Variants in RALGDS observed in about 807,000 individuals in gnomAD.
RALGDS encodes ral guanine nucleotide exchange factor.
A neutral mutation model predicts 99.8 loss-of-function variants in RALGDS; 44 were observed. That is an observed-to-expected ratio of 0.44 (90% confidence interval 0.35 to 0.57). The LOEUF (loss-of-function observed/expected upper bound fraction) is 0.57, where lower values mean the gene tolerates loss of function less well. RALGDS is among the 20% of genes least tolerant of loss of function. RALGDS has a pLI of 0.01. For missense variants in RALGDS, 1,022 were observed against 1,203.1 expected, an observed-to-expected ratio of 0.85 and a Z score of 2.23; for synonymous variants, 529 against 505.0, an observed-to-expected ratio of 1.05 and a Z score of -0.64.
Position 133,102,895 on chromosome 9 carries a change from G to A in RALGDS, c.1797C>T (p.Phe599=), listed in dbSNP as rs761592485. The stretch of plus-strand genomic sequence containing the variant: ...GCAGCTTGATCTGGGCGATCACCTC[G>A]AACTCCTGGGGCCAGAGGGAAGCAC... ...LINFEKRRKE[F]EVIAQIKLLQ... Residue 599 remains phenylalanine (F), a synonymous_variant, in exon 13 of 18, where the codon TTC becomes TTT. Transcript: ENST00000372050. The A allele has an allele frequency of 1.3e-5, 21 of 1,613,016 alleles. No individual in the cohort carries two copies. In the Admixed American group the frequency reaches 1.3e-4, roughly 10 times the overall value.
Position 133,121,237 on chromosome 9 carries a change from C to G in RALGDS, c.-83G>C, listed in dbSNP as rs948598497. 6 of 979,732 alleles carry G rather than the reference C, an allele frequency of 6.1e-6. No individual in the cohort carries two copies. The highest frequency in any genetic ancestry group is 5.3e-5 in the African/African-American group (3 of 56,478). The allele number at this position is 979,732 out of a possible 1,614,324, so 60.7% of individuals were successfully genotyped here. On this transcript the variant is annotated 5_prime_UTR_variant, in exon 1 of 18. Coordinates refer to ENST00000372050, the MANE Select transcript of RALGDS (RefSeq NM_006266.4). ...GGCCCGCGCGGCTGGGCTTTGCCAC[C>G]GCTGTGAGCCCGCGGCCCGGCCCTG...
rs1349365269 is a variant in RALGDS at position 133,107,207 on chromosome 9, G to A, written c.1291C>T (p.Arg431Cys). Residue 431 changes from arginine to cysteine, a missense_variant, in exon 7 of 18, where the codon CGC becomes TGC. Transcript: ENST00000372050. ...KGKEHLAPTI[R>C]ATVTQFNSVA... is the part of the protein sequence containing the mutation. Reference sequence around the variant, plus strand: ...CTGTTGAACTGGGTGACAGTGGCGCGGATGGTGGGCGCCAGGTGCTCCTTG... The same window carrying A: ...CTGTTGAACTGGGTGACAGTGGCGCAGATGGTGGGCGCCAGGTGCTCCTTG... 18 of 1,613,598 alleles carry A rather than the reference G, an allele frequency of 1.1e-5. No individual in the cohort carries two copies. Among genetic ancestry groups the A allele is most frequent in the Admixed American group, 8.3e-5 (5 of 60,012 alleles).
rs376111109 is a variant in RALGDS, at chr9:133,104,244, C to T, written c.1671+19G>A. 21 of 1,606,824 alleles carry T rather than the reference C, an allele frequency of 1.3e-5. No homozygotes were observed. In the South Asian group the frequency reaches 1.3e-4, roughly 10 times the overall value. Reference sequence around the variant, plus strand: ...CCCAGGCCAGCCCCCTGCCCCTCCGCGGCCTTGGGCACTCTCACCGTCTCC... The same window carrying T: ...CCCAGGCCAGCCCCCTGCCCCTCCGTGGCCTTGGGCACTCTCACCGTCTCC... On this transcript the variant is annotated intron_variant, in intron 10 of 17. Coordinates refer to ENST00000372050, the MANE Select transcript of RALGDS (RefSeq NM_006266.4).
rs368665157 is a variant in RALGDS at position 133,129,196 on chromosome 9, G to C, written c.132+1756C>G. Reference sequence around the variant, plus strand: ...GCCAAGGTGTCGGGCTTTGGAGAGCGGCACGACGGGCGACGGCCCTTCTCC... The same window carrying C: ...GCCAAGGTGTCGGGCTTTGGAGAGCCGCACGACGGGCGACGGCCCTTCTCC... On this transcript the variant is annotated intron_variant, in intron 1 of 17. Transcript: ENST00000372062. The C allele has an allele frequency of 2.2e-5, 35 of 1,597,182 alleles. 1 individual carries two copies. Among genetic ancestry groups the C allele is most frequent in the Middle Eastern group, 1.7e-4 (1 of 6,048 alleles).
chr9:133,117,566 G>A (rs1302972800), intron 1 of RALGDS, among the ~76,000 whole-genome samples: 1 of 152,250 alleles, frequency 6.6e-6, no homozygotes, highest in Non-Finnish European at 1.5e-5. Context: ...CAAGGTGTGC[G>A]GAACTGGGAG....
Position 133,099,168 on chromosome 9 carries a change from C to G in RALGDS, c.2570-406G>C, listed in dbSNP as rs529933497. The G allele has an allele frequency of 8.6e-4, 185 of 215,126 alleles. 1 individual carries two copies. Among genetic ancestry groups the G allele is most frequent in the Middle Eastern group, 3.7e-3 (2 of 534 alleles). 13.3% of individuals were successfully genotyped at this position (215,126 alleles called of 1,614,324 possible). ...GGACAGGCCTGCCCCAGGGCTCTGG[C>G]GCCCGTTCCAGGGAGGCCTGTACTC... On this transcript the variant is annotated intron_variant, in intron 17 of 17. Coordinates refer to ENST00000372050, the MANE Select transcript of RALGDS (RefSeq NM_006266.4).
intron 16 of RALGDS, chr9:133,101,041 A>G (rs1343707387): frequency 3.7e-6 from 4 of 1,067,600 alleles, no homozygotes; most frequent in Non-Finnish European, 4.6e-6. Flanking sequence ...TCTGTGAGCA[A>G]TTCCCATCTG....
chr9:133,144,339 G>A lies in RALGDS; in HGVS notation c.18+4624C>T, dbSNP rs1832587740. On this transcript the variant is annotated intron_variant, in intron 1 of 17. Transcript: ENST00000393160. The surrounding 1 kb of genome is among the most constrained non-coding windows in gnomAD (Gnocchi z 4.5). The stretch of plus-strand genomic sequence containing the variant: ...TTCCTTTCCGCCCCGCTGACACCAC[G>A]GTCTGCAAACCATGGTCCTCCTCGC... 6.6e-6 allele frequency among the ~76,000 whole-genome samples: 1 copy of A among 151,952 alleles called. No homozygotes were observed. Among genetic ancestry groups the A allele is most frequent in the African/African-American group, 2.4e-5 (1 of 41,366 alleles).
chr9:133,110,494 G>C lies in RALGDS; in HGVS notation c.295-5C>G, dbSNP rs1451041704. ...CAGGGCCGACTCATTCTCATACTGGGGTGGGACAGAGGAGGGACAGACAGT... is the reference window on the plus strand; with the variant it reads ...CAGGGCCGACTCATTCTCATACTGGCGTGGGACAGAGGAGGGACAGACAGT... On this transcript the variant is annotated splice_region_variant and splice_polypyrimidine_tract_variant and intron_variant, in intron 2 of 17. Coordinates refer to ENST00000372050, the MANE Select transcript of RALGDS (RefSeq NM_006266.4). The C allele has an allele frequency of 6.2e-7, 1 of 1,609,482 alleles. No homozygotes were observed. Among genetic ancestry groups the C allele is most frequent in the Admixed American group, 1.7e-5 (1 of 60,014 alleles).
At chr9:133,131,563 C>A (rs1478372201), upstream of RALGDS, among the ~76,000 whole-genome samples, 1 of 152,100 alleles carries the variant, frequency 6.6e-6, no homozygotes, top group African/African-American at 2.4e-5. Flanking sequence ...TTCTCCAACA[C>A]CCCTGTCTTA....
intron 17 of RALGDS, chr9:133,099,210 C>T (rs943068264): frequency 1.3e-4 from 22 of 171,560 alleles, no homozygotes; most frequent in African/African-American, 3.8e-4. Context: ...CCCTGGCACC[C>T]GGCAAGCACT....
upstream of RALGDS, among the ~76,000 whole-genome samples, chr9:133,123,654 A>G (rs1283328565): frequency 6.6e-6 from 1 of 152,222 alleles, no homozygotes; most frequent in Non-Finnish European, 1.5e-5. Flanking sequence ...GGGAAGCCTG[A>G]TCACTGCTCT....
chr9:133,110,587 G>C, intron 2 of RALGDS, 98 bp from the exon 3 acceptor site: 2 of 1,038,452 alleles, frequency 1.9e-6, no homozygotes, highest in Non-Finnish European at 3.0e-6. Flanking sequence ...TGTGGCAAGA[G>C]GCAGGACTGA....
chr9:133,127,300 A>T (rs579912), intron 1 of RALGDS, among the ~76,000 whole-genome samples: 84,017 of 152,142 alleles, frequency 0.55, 23,916 homozygotes, highest in East Asian at 0.73. Flanking sequence ...CAGGGCAGTG[A>T]CTGGGTGACT....
chr9:133,106,776 G>GA, intron 7 of RALGDS, 28 bp from the exon 8 acceptor site: 1 of 1,538,886 alleles, frequency 6.5e-7, no homozygotes, highest in South Asian at 1.1e-5. Context: ...GGAGGCATGA[G>GA]GTGGGGCTGG....
At chr9:133,115,212 G>A (rs1313596668) in intron 1 of RALGDS, among the ~76,000 whole-genome samples, 4 of 152,184 alleles carry the variant, frequency 2.6e-5, no homozygotes, top group Non-Finnish European at 4.4e-5. Flanking sequence ...GTGCAGCTCC[G>A]GACTCAGACG....
At chr9:133,102,395 T>C in intron 14 of RALGDS, 81 bp downstream of exon 14, 1 of 1,473,670 alleles carries the variant, frequency 6.8e-7, no homozygotes, top group African/African-American at 1.4e-5. Flanking sequence ...CCAGCCTCCC[T>C]GACTCCCTGA....
intron 3 of RALGDS, among the ~76,000 whole-genome samples, chr9:133,110,041 G>A (rs974134740): frequency 6.6e-6 from 1 of 152,172 alleles, no homozygotes; most frequent in African/African-American, 2.4e-5. Flanking sequence ...TGGGGGACAG[G>A]AAAATCATAA....
At chr9:133,114,124 C>T (rs1012989872) in intron 1 of RALGDS, among the ~76,000 whole-genome samples, 1 of 152,182 alleles carries the variant, frequency 6.6e-6, no homozygotes, top group Middle Eastern at 3.2e-3. Flanking sequence ...GATCCCTGCA[C>T]CCTTCCCCCA....
Sources: gnomAD v4.1 joint callset for allele counts (sites outside exome capture counted in the v4.1 genomes callset) on GRCh38, gnomAD v4.1.1 for gene constraint, Gnocchi (gnomAD v3.1) non-coding constraint, MANE v1.5 for transcripts, NCBI Gene and HGNC (gene_info 2026-07-23, HGNC 2026-07-21) for gene names.